Variants in PPP1R14C observed in about 807,000 individuals in gnomAD.
PPP1R14C encodes the protein protein phosphatase 1 regulatory subunit 14C.
A neutral mutation model predicts 20.4 loss-of-function variants in PPP1R14C; 16 were observed. The observed-to-expected ratio is 0.78, with a 90% confidence interval of 0.53 to 1.19. The LOEUF is 1.19. Among genes scored for constraint, PPP1R14C ranks in the 50% most tolerant of loss-of-function variants. The pLI is 0.00. For missense variants in PPP1R14C, 211 were observed against 220.1 expected, an observed-to-expected ratio of 0.96 and a Z score of 0.26; for synonymous variants, 91 against 91.0, an observed-to-expected ratio of 1.00 and a Z score of 0.00.
At chr6:150,242,633 C>T (rs1778446254) in intron 3 of PPP1R14C, among the ~76,000 whole-genome samples, 1 of 152,212 alleles carries the variant, frequency 6.6e-6, no homozygotes, top group African/African-American at 2.4e-5. Flanking sequence ...AATGCTTCCC[C>T]CTAAGATCAG....
intron 1 of PPP1R14C, among the ~76,000 whole-genome samples, chr6:150,175,376 T>G (rs1777550165): frequency 6.6e-6 from 1 of 152,220 alleles, no homozygotes; most frequent in Non-Finnish European, 1.5e-5. Flanking sequence ...ATGGACCCAG[T>G]GCTTCCCTCT....
intron 1 of PPP1R14C, among the ~76,000 whole-genome samples, chr6:150,146,189 G>A (rs999646094): frequency 6.6e-6 from 1 of 152,024 alleles, no homozygotes. Flanking sequence ...TTTTATCCTT[G>A]TTTAAATGTA....
At chr6:150,166,265 A>G (rs1365905432) in intron 1 of PPP1R14C, among the ~76,000 whole-genome samples, 1 of 151,998 alleles carries the variant, frequency 6.6e-6, no homozygotes, top group Non-Finnish European at 1.5e-5. Context: ...TATTTTTAGT[A>G]GAGATGGGGT....
At chr6:150,157,025 C>G (rs1396296467) in intron 1 of PPP1R14C, among the ~76,000 whole-genome samples, 1 of 152,150 alleles carries the variant, frequency 6.6e-6, no homozygotes, top group Non-Finnish European at 1.5e-5. Context: ...GATTAAGAAC[C>G]CTTTTGGGGT....
chr6:150,220,462 A>T (rs1323103672), intron 3 of PPP1R14C, among the ~76,000 whole-genome samples: 2 of 152,204 alleles, frequency 1.3e-5, no homozygotes, highest in African/African-American at 4.8e-5. Context: ...AAGCGATTTT[A>T]AATTGTGTGA....
intron 3 of PPP1R14C, among the ~76,000 whole-genome samples, chr6:150,226,611 A>T (rs911914424): frequency 3.3e-5 from 5 of 152,166 alleles, no homozygotes; most frequent in African/African-American, 1.2e-4. Context: ...GGAGTTGTCT[A>T]GTCAATGAGC....
chr6:150,194,624 C>G (rs1158502190), intron 1 of PPP1R14C: 1 of 983,648 alleles, frequency 1.0e-6, no homozygotes, highest in Non-Finnish European at 1.2e-6. Context: ...TTTATTAAAC[C>G]ACCTTGGCTT....
intron 2 of PPP1R14C, 75 bp downstream of exon 2, chr6:150,214,902 A>C: frequency 9.5e-7 from 1 of 1,050,154 alleles, no homozygotes; most frequent in South Asian, 1.4e-5. Flanking sequence ...AGTGCTTGGC[A>C]TCAACTGATT....
chr6:150,241,988 T>C (rs1778437294), intron 3 of PPP1R14C, among the ~76,000 whole-genome samples: 1 of 152,194 alleles, frequency 6.6e-6, no homozygotes, highest in Non-Finnish European at 1.5e-5. Context: ...CCACCCACAT[T>C]TTGGTGACAT....
chr6:150,215,741 A>C (rs1255539835), intron 2 of PPP1R14C, among the ~76,000 whole-genome samples: 1 of 152,230 alleles, frequency 6.6e-6, no homozygotes, highest in Non-Finnish European at 1.5e-5. Context: ...GACATAACAG[A>C]GTTTTCTTAA....
At position 150,225,154 on chromosome 6, in the gene PPP1R14C, GA is replaced by G. The variant is rs963394933; in HGVS notation, c.423+8307del. On this transcript the variant is annotated intron_variant, in intron 3 of 3. Coordinates refer to ENST00000361131, the MANE Select transcript of PPP1R14C (RefSeq NM_030949.3). ...GTTAAATAAACTTTTAGACTTTGGG[GA>G]AAAAAAAAGAAGAAGAAAAAGAAGA... 4.7e-5 allele frequency among the ~76,000 whole-genome samples: 7 copies of G among 150,372 alleles called. No homozygotes were observed. In the East Asian group the frequency reaches 5.8e-4, roughly 13 times the overall value.
intron 1 of PPP1R14C, among the ~76,000 whole-genome samples, chr6:150,161,661 T>C (rs2343535): frequency 0.65 from 90,059 of 139,024 alleles, 26,975 homozygotes; most frequent in South Asian, 0.73. Flanking sequence ...GTTAACTCAA[T>C]CCCTATGGGA....
At chr6:150,167,876 A>C (rs1288494737) in intron 1 of PPP1R14C, among the ~76,000 whole-genome samples, 2 of 52,222 alleles carry the variant, frequency 3.8e-5, no homozygotes, top group African/African-American at 1.5e-4. Context: ...ATTTACATAT[A>C]TAGAACCCTT....
At chr6:150,203,295 G>A (rs1257583003) in intron 1 of PPP1R14C, among the ~76,000 whole-genome samples, 1 of 152,184 alleles carries the variant, frequency 6.6e-6, no homozygotes, top group Non-Finnish European at 1.5e-5. Context: ...AGAACGTCCT[G>A]TAGTTGGAAT....
At chr6:150,180,061 G>T (rs967784345) in intron 1 of PPP1R14C, among the ~76,000 whole-genome samples, 7 of 152,192 alleles carry the variant, frequency 4.6e-5, no homozygotes, top group African/African-American at 1.7e-4. Context: ...AATTAGCCGG[G>T]AGTGGTGGCA....
chr6:150,197,515 A>T (rs1777819550), intron 1 of PPP1R14C, among the ~76,000 whole-genome samples: 1 of 152,218 alleles, frequency 6.6e-6, no homozygotes, highest in Non-Finnish European at 1.5e-5. Flanking sequence ...AGGTGGCGTA[A>T]AAGCTAATGG....
rs144969501 is a variant in PPP1R14C, at chr6:150,201,364, C to T, written c.307-13380C>T. ...GAGGTTGACCTCATCACAAGTCTGG[C>T]GAAGACATTTTGCTTTAGGAAGTGA... On this transcript the variant is annotated intron_variant, in intron 1 of 3. Transcript: ENST00000361131. The surrounding 1 kb of genome is among the most constrained non-coding windows in gnomAD (Gnocchi z 4.2). Among the ~76,000 whole-genome samples the T allele has an allele frequency of 1.4e-3, 212 of 152,164 alleles. 1 individual carries two copies. Among genetic ancestry groups the T allele is most frequent in the African/African-American group, 3.3e-3 (135 of 41,510 alleles).
chr6:150,241,836 G>A (rs9383740), intron 3 of PPP1R14C, among the ~76,000 whole-genome samples: 11,828 of 152,154 alleles, frequency 0.078, 495 homozygotes, highest in African/African-American at 0.11. Context: ...GCAATGAGCC[G>A]AGATCATGCC....
At chr6:150,216,753 T>C (rs1471737883) in intron 2 of PPP1R14C, 71 bp from the exon 3 acceptor site, 2 of 1,069,170 alleles carry the variant, frequency 1.9e-6, no homozygotes, top group African/African-American at 3.2e-5. Context: ...TAAAATGATT[T>C]TTAATTTTGC....
Sources: gnomAD v4.1 joint callset for allele counts (sites outside exome capture counted in the v4.1 genomes callset) on GRCh38, gnomAD v4.1.1 for gene constraint, Gnocchi (gnomAD v3.1) non-coding constraint, MANE v1.5 for transcripts, NCBI Gene and HGNC (gene_info 2026-07-23, HGNC 2026-07-21) for gene names.